SEL1L3: variants seen among roughly 807,000 people sequenced by gnomAD.
SEL1L3 encodes the protein protein sel-1 homolog 3.
In SEL1L3, 76 loss-of-function variants were observed where a neutral mutation model predicts 142.8. The ratio of observed to expected loss-of-function variants is 0.53; its 90% confidence interval spans 0.44 to 0.64. The LOEUF (loss-of-function observed/expected upper bound fraction) is 0.64. Among genes scored for constraint, SEL1L3 ranks in the 30% least tolerant of loss-of-function variants. The pLI is 0.00. For synonymous variants in SEL1L3, 504 were observed against 519.6 expected (o/e 0.97, Z 0.41); for missense variants, 1,262 against 1,381.7 (o/e 0.91, Z 1.37).
At chr4:25,726,651 C>T in the SEL1L3 span, among the ~76,000 whole-genome samples, 5 of 152,034 alleles carry the variant, frequency 3.3e-5, no homozygotes, top group Admixed American at 6.6e-5. Context: ...ATGCCGGGAA[C>T]GGGCCAGGTT....
rs1285186870 is a variant in SEL1L3, at chr4:25,758,974, T to C, written c.3050A>G (p.Asn1017Ser). 1.9e-6 allele frequency: 3 copies of C among 1,613,894 alleles called. No homozygotes were observed. Among genetic ancestry groups the C allele is most frequent in the East Asian group, 2.2e-5 (1 of 44,880 alleles). ...FLEIDSTLHS[N>S]NISILQELYE... Reference sequence around the variant, plus strand: ...CAGTTCCTGGAGAATGGAGATGTTATTAGAATGGAGAGTTGAGTCAATTTC... The same window carrying C: ...CAGTTCCTGGAGAATGGAGATGTTACTAGAATGGAGAGTTGAGTCAATTTC... The change falls in exon 21 of 24, where the codon AAT becomes AGT. Residue 1017 changes from asparagine to serine, a missense_variant. Transcript: ENST00000399878.
chr4:25,827,363 G>A (rs951473860), intron 6 of SEL1L3, among the ~76,000 whole-genome samples: 3 of 152,128 alleles, frequency 2.0e-5, no homozygotes, highest in Non-Finnish European at 2.9e-5. Context: ...ATAAAAAAGT[G>A]AAATTTGGAC....
At chr4:25,732,499 C>T in the SEL1L3 span, among the ~76,000 whole-genome samples, 1 of 152,124 alleles carries the variant, frequency 6.6e-6, no homozygotes, top group Admixed American at 6.5e-5. Flanking sequence ...TAAGTCATTG[C>T]CAACGCTAGT....
intron 9 of SEL1L3, among the ~76,000 whole-genome samples, chr4:25,813,172 GA>G (rs1458344073): frequency 2.6e-5 from 4 of 152,186 alleles, no homozygotes; most frequent in Non-Finnish European, 4.4e-5. Flanking sequence ...ATTACTATAT[GA>G]CCCAGAAATT....
chr4:25,792,108 G>A (rs1004059812), intron 11 of SEL1L3, among the ~76,000 whole-genome samples: 1 of 152,140 alleles, frequency 6.6e-6, no homozygotes, highest in Non-Finnish European at 1.5e-5. Flanking sequence ...GCTAACCTGA[G>A]GAGGCCACCA....
the SEL1L3 span, among the ~76,000 whole-genome samples, chr4:25,742,286 A>G: frequency 6.6e-6 from 1 of 152,102 alleles, no homozygotes; most frequent in African/African-American, 2.4e-5. Context: ...TCTGGGCTCA[A>G]GCAATTCTTC....
chr4:25,781,676 C>T (rs578121752), intron 15 of SEL1L3, among the ~76,000 whole-genome samples: 1 of 152,286 alleles, frequency 6.6e-6, no homozygotes, highest in East Asian at 1.9e-4. Context: ...TTCGCAGAAC[C>T]TCAGTCACTT....
At chr4:25,861,605 A>T (rs187402850) in intron 1 of SEL1L3, among the ~76,000 whole-genome samples, 148 of 151,380 alleles carry the variant, frequency 9.8e-4, no homozygotes, top group African/African-American at 3.5e-3. Flanking sequence ...CATAAGTGAA[A>T]TGAATTCTGG....
At chr4:25,803,030 C>G (rs1181140690) in intron 10 of SEL1L3, among the ~76,000 whole-genome samples, 2 of 152,176 alleles carry the variant, frequency 1.3e-5, no homozygotes, top group Non-Finnish European at 2.9e-5. Context: ...TATTGCAGCA[C>G]CTTTTTGGGC....
At chr4:25,718,507 G>A in the SEL1L3 span, 3 of 152,176 alleles carry the variant, frequency 2.0e-5, no homozygotes, top group African/African-American at 7.2e-5. Flanking sequence ...AATTATAAGG[G>A]TGATTGCACC....
chr4:25,743,085 G>T (rs1038084948), downstream of SEL1L3, among the ~76,000 whole-genome samples: 6 of 152,162 alleles, frequency 3.9e-5, no homozygotes, highest in African/African-American at 1.4e-4. Flanking sequence ...AAATCGGAAA[G>T]GACAGACTCT....
At chr4:25,759,369 C>T (rs2109124287) in intron 20 of SEL1L3, 2 of 291,258 alleles carry the variant, frequency 6.9e-6, no homozygotes, top group East Asian at 1.5e-4. Flanking sequence ...GGAAAACGTG[C>T]CCTTGTATCA....
chr4:25,860,196 T>C (rs1717596853), intron 1 of SEL1L3, among the ~76,000 whole-genome samples: 1 of 152,296 alleles, frequency 6.6e-6, no homozygotes, highest in East Asian at 1.9e-4. Context: ...ATAAACGATT[T>C]AGCACAATGT....
intron 11 of SEL1L3, among the ~76,000 whole-genome samples, chr4:25,798,304 G>A (rs1712928740): frequency 6.6e-6 from 1 of 152,186 alleles, no homozygotes; most frequent in Non-Finnish European, 1.5e-5. Context: ...CTCTGATACT[G>A]CAGAGTTAAA....
At chr4:25,840,080 C>G (rs931628205) in intron 2 of SEL1L3, among the ~76,000 whole-genome samples, 3 of 152,176 alleles carry the variant, frequency 2.0e-5, no homozygotes, top group Non-Finnish European at 2.9e-5. Context: ...GAAGTCTGGA[C>G]TCCAGTTAAA....
chr4:25,725,980 T>G, the SEL1L3 span, among the ~76,000 whole-genome samples: 3 of 152,172 alleles, frequency 2.0e-5, no homozygotes, highest in East Asian at 3.9e-4. Flanking sequence ...CGGTATCTTG[T>G]GACCTCCTAT....
At chr4:25,753,038 C>T (rs1717705311) in intron 23 of SEL1L3, among the ~76,000 whole-genome samples, 3 of 152,254 alleles carry the variant, frequency 2.0e-5, no homozygotes, top group South Asian at 4.1e-4. Context: ...AGATAGGCTC[C>T]TTCCTTTGCC....
At chr4:25,806,462 A>G (rs774945486) in intron 9 of SEL1L3, among the ~76,000 whole-genome samples, 11 of 152,106 alleles carry the variant, frequency 7.2e-5, no homozygotes, top group Non-Finnish European at 1.6e-4. Flanking sequence ...TTTAAGGGCA[A>G]TTTCCTTGCA....
At chr4:25,736,502 G>A in the SEL1L3 span, among the ~76,000 whole-genome samples, 1 of 152,108 alleles carries the variant, frequency 6.6e-6, no homozygotes, top group Non-Finnish European at 1.5e-5. Context: ...GGGATTACAG[G>A]TGTGAGCCAC....
Sources: gnomAD v4.1 joint callset for allele counts (sites outside exome capture counted in the v4.1 genomes callset) on GRCh38, gnomAD v4.1.1 for gene constraint, MANE v1.5 for transcripts, NCBI Gene and HGNC (gene_info 2026-07-23, HGNC 2026-07-21) for gene names.